ZHX1: variants seen among roughly 807,000 people sequenced by gnomAD.
ZHX1 encodes zinc fingers and homeoboxes protein 1.
Under a neutral mutation model 61.8 loss-of-function variants are expected in ZHX1, and 20 were observed. The ratio of observed to expected loss-of-function variants is 0.32; its 90% CI spans 0.23 to 0.47. The LOEUF is 0.47. ZHX1 is among the 20% of genes least tolerant of loss of function. The pLI, the probability that ZHX1 is intolerant of heterozygous loss-of-function variation, is 1.00. For missense variants in ZHX1, 800 were observed against 1,034.8 expected (o/e 0.77, Z 3.11); for synonymous variants, 318 against 352.6 (o/e 0.90, Z 1.10).
At position 123,263,019 on chromosome 8, in the gene ZHX1, C is replaced by T. The variant is rs60058056; in HGVS notation, c.-226+4254G>A. On this transcript the variant is annotated intron_variant, in intron 2 of 3. Transcript: ENST00000395571. ...AAGGAAGAAAGAGAAGGAAGAGAAG[C>T]GGGAAGGGGAGGGGAGAGGAGTGGA... 0.022 allele frequency: 2,559 copies of T among 116,082 alleles called. 140 individuals carry two copies. The East Asian group carries it at 0.25, about 11-fold the overall frequency. The allele number at this position is 116,082 out of a possible 1,614,324, so 7.2% of individuals were successfully genotyped here. A position where few individuals can be genotyped will look rare whatever the true frequency, so the allele number is the denominator to read the frequency against.
rs1366611858 is a variant in ZHX1, at chr8:123,267,207, C to T, written c.-226+66G>A. 3.5e-6 allele frequency: 5 copies of T among 1,426,838 alleles called. No homozygotes were observed. In the Admixed American group the frequency reaches 1.0e-4, roughly 29 times the overall value. 88.4% of individuals were successfully genotyped at this position (1,426,838 alleles called of 1,614,324 possible). A position where few individuals can be genotyped will look rare whatever the true frequency, so the allele number is the denominator to read the frequency against. On this transcript the variant is annotated intron_variant, in intron 2 of 3. Coordinates refer to ENST00000395571, the MANE Select transcript of ZHX1 (RefSeq NM_007222.5). ...TAAAAACTTTAGACAAATATAGTATCATGGGATCTAAAGTGAGTACATTCA... is the reference window on the plus strand; with the variant it reads ...TAAAAACTTTAGACAAATATAGTATTATGGGATCTAAAGTGAGTACATTCA...
Position 123,253,417 on chromosome 8 carries a change from C to G in ZHX1, c.2530G>C (p.Asp844His). ...GTTTCTTCTTCATCCTCTTCCTGGT[C>G]ATCAATAACTTCATCTTCCTCCTCA... ...ENEEEDEVID[D>H]QEEDEEETDD... Residue 844 changes from aspartate (D) to histidine (H), a missense_variant, in exon 3 of 4, where the codon GAC becomes CAC. Transcript: ENST00000395571. The G allele has an allele frequency of 6.2e-7, 1 of 1,613,990 alleles. No homozygotes were observed. The highest frequency in any genetic ancestry group is 8.5e-7 in the Non-Finnish European group (1 of 1,179,980).
chr8:123,263,089 A>G (rs951331951), intron 2 of ZHX1: 1 of 125,872 alleles, frequency 7.9e-6, no homozygotes, highest in South Asian at 2.5e-4. Flanking sequence ...ATATCAAAGT[A>G]AAAAAAAAAA....
rs1826053295 is a variant in ZHX1, at chr8:123,255,759, T to C, written c.188A>G (p.Asn63Ser). The C allele has an allele frequency of 6.2e-7, 1 of 1,614,054 alleles. No individual in the cohort carries two copies. The highest frequency in any genetic ancestry group is 8.5e-7 in the Non-Finnish European group (1 of 1,180,018). The change falls in exon 3 of 4, where the codon AAT becomes AGT. Residue 63 changes from asparagine (N) to serine (S), a missense_variant. By Grantham distance (46) the Asn-to-Ser change is conservative (BLOSUM62 1). Coordinates refer to ENST00000395571, the MANE Select transcript of ZHX1 (RefSeq NM_007222.5). ...HESVDSDNQQNKKVEGGYECK... is the reference protein window; with the variant it reads ...HESVDSDNQQSKKVEGGYECK... ...TTCATATCCACCTTCAACTTTTTTA[T>C]TTTGCTGATTGTCTGAATCCACAGA...
At chr8:123,266,686 G>C (rs574636236) in intron 2 of ZHX1, among the ~76,000 whole-genome samples, 2 of 151,926 alleles carry the variant, frequency 1.3e-5, no homozygotes, top group Non-Finnish European at 2.9e-5. Context: ...GTTTGAGAAA[G>C]GCACATTTCA....
chr8:123,250,386 T>C, intron 3 of ZHX1, 66 bp from the exon 4 acceptor site: 1 of 357,942 alleles, frequency 2.8e-6, no homozygotes, highest in Non-Finnish European at 5.4e-6. Flanking sequence ...TTTTTACTAC[T>C]TTTAGAAATA....
chr8:123,267,192 A>G, intron 2 of ZHX1, 81 bp downstream of exon 2: 1 of 1,333,936 alleles, frequency 7.5e-7, no homozygotes, highest in South Asian at 1.4e-5. Flanking sequence ...TAAAAACTTT[A>G]GACAAATATA....
Position 123,254,210 on chromosome 8 carries a change from C to T in ZHX1, c.1737G>A (p.Gln579=). ...GAAAACTTGCCTGAAGGACACGAAG[C>T]TGCTCTGCAGTTTTCTCTTTAAACT... ...PQKFKEKTAE[Q]LRVLQASFLN... is the part of the protein sequence containing the mutation. The change falls in exon 3 of 4, where the codon CAG becomes CAA. Residue 579 remains glutamine, a synonymous_variant. Transcript: ENST00000395571. This position sits in a 1 kb window ranked among gnomAD's most constrained non-coding sequence, Gnocchi z 4.1. 2 of 1,614,148 alleles carry T rather than the reference C, an allele frequency of 1.2e-6. No homozygotes were observed. Among genetic ancestry groups the T allele is most frequent in the South Asian group, 2.2e-5 (2 of 91,088 alleles).
At chr8:123,273,656 C>G (rs984490025) in intron 1 of ZHX1, 1 of 152,302 alleles carries the variant, frequency 6.6e-6, no homozygotes, top group Non-Finnish European at 1.5e-5. Context: ...TCAGTCAGTG[C>G]GCTCAGCTCC....
chr8:123,266,813 C>T (rs1195546948), intron 2 of ZHX1, among the ~76,000 whole-genome samples: 1 of 152,120 alleles, frequency 6.6e-6, no homozygotes, highest in Non-Finnish European at 1.5e-5. Flanking sequence ...TATCCTGACT[C>T]TTATAATTAA....
Position 123,250,048 on chromosome 8 carries a change from C to A in ZHX1, c.*276G>T. On this transcript the variant is annotated 3_prime_UTR_variant, in exon 4 of 4. Coordinates refer to ENST00000395571, the MANE Select transcript of ZHX1 (RefSeq NM_007222.5). The stretch of plus-strand genomic sequence containing the variant: ...AGTCTAAGATTCAGAATGTCTCCAT[C>A]ATATTAGAAGAAAAATGTACTGTAT... The A allele has an allele frequency of 3.0e-6, 1 of 335,670 alleles. No homozygotes were observed. Among genetic ancestry groups the A allele is most frequent in the Non-Finnish European group, 5.8e-6 (1 of 172,384 alleles). 20.8% of individuals were successfully genotyped at this position (335,670 alleles called of 1,614,324 possible). A position where few individuals can be genotyped will look rare whatever the true frequency, so the allele number is the denominator to read the frequency against.
In ZHX1 at chr8:123,256,062, C is replaced by T. The variant is rs1563810288; in HGVS notation, c.-116G>A. The T allele has an allele frequency of 5.6e-6, 5 of 900,316 alleles. No individual in the cohort carries two copies. Among genetic ancestry groups the T allele is most frequent in the African/African-American group, 3.4e-5 (2 of 59,576 alleles). The allele number at this position is 900,316 out of a possible 1,614,324, so 55.8% of individuals were successfully genotyped here. A position where few individuals can be genotyped will look rare whatever the true frequency, so the allele number is the denominator to read the frequency against. On this transcript the variant is annotated 5_prime_UTR_variant, in exon 3 of 4. Coordinates refer to ENST00000395571, the MANE Select transcript of ZHX1 (RefSeq NM_007222.5). ...GGTTCTTCAAGTCCATTTTTGTGCT[C>T]AACAAGTCTCATTAGCAGCTTTCTC... is the stretch of plus-strand genomic sequence containing the variant.
At chr8:123,269,949 T>C (rs938990427) in intron 1 of ZHX1, among the ~76,000 whole-genome samples, 4 of 131,310 alleles carry the variant, frequency 3.0e-5, no homozygotes, top group South Asian at 5.5e-4. Flanking sequence ...AAAAGGCAGA[T>C]ACTAATCAAT....
intron 1 of ZHX1, among the ~76,000 whole-genome samples, chr8:123,269,996 C>T (rs1460211584): frequency 6.6e-6 from 1 of 152,032 alleles, no homozygotes; most frequent in East Asian, 1.9e-4. Context: ...TTTTTCTGAC[C>T]TTAGCTTCAA....
chr8:123,271,936 C>T (rs150011853), intron 1 of ZHX1, among the ~76,000 whole-genome samples: 237 of 152,288 alleles, frequency 1.6e-3, no homozygotes, highest in African/African-American at 5.3e-3. Flanking sequence ...TTTATGTTTT[C>T]GGATTTAGCA....
In ZHX1 at chr8:123,255,809, G is replaced by A; in HGVS notation, c.138C>T (p.Ile46=). The A allele has an allele frequency of 6.2e-7, 1 of 1,614,098 alleles. No homozygotes were observed. Among genetic ancestry groups the A allele is most frequent in the Non-Finnish European group, 8.5e-7 (1 of 1,180,032 alleles). Residue 46 remains isoleucine (I), a synonymous_variant, in exon 3 of 4, where the codon ATC becomes ATT. Transcript: ENST00000395571. ...TPVENTRAES[I]SSDEEVHESV... The stretch of plus-strand genomic sequence containing the variant: ...ATTCATGAACCTCTTCATCACTTGA[G>A]ATACTCTCTGCTCTGGTGTTTTCTA...
At chr8:123,261,860 A>G (rs756819400) in intron 2 of ZHX1, among the ~76,000 whole-genome samples, 1 of 152,218 alleles carries the variant, frequency 6.6e-6, no homozygotes, top group Non-Finnish European at 1.5e-5. Context: ...CAAAAATTGG[A>G]TGAAAAAGTA....
rs1375246942 is a variant in ZHX1, at chr8:123,253,905, C to T, written c.2042G>A (p.Arg681Gln). 3.1e-6 allele frequency: 5 copies of T among 1,614,088 alleles called. No homozygotes were observed. Among genetic ancestry groups the T allele is most frequent in the Non-Finnish European group, 2.5e-6 (3 of 1,180,046 alleles). The change falls in exon 3 of 4, where the codon CGG (arginine) becomes CAG (glutamine). Residue 681 changes from arginine (R) to glutamine (Q), a missense_variant. Arg to Gln is a conservative substitution (Grantham distance 43, BLOSUM62 1). Coordinates refer to ENST00000395571, the MANE Select transcript of ZHX1 (RefSeq NM_007222.5). ...CTCTTCTGGTGATGGCCACTGTGTC[C>T]GGACAAATGCACTCTTAAGCATGTG... ...QLHMLKSAFV[R>Q]TQWPSPEEYD... is the part of the protein sequence containing the mutation.
chr8:123,268,714 T>C (rs936337708), intron 1 of ZHX1, among the ~76,000 whole-genome samples: 1 of 152,138 alleles, frequency 6.6e-6, no homozygotes, highest in African/African-American at 2.4e-5. Context: ...ATGGTCTCTA[T>C]CTCCTGAGCT....
Sources: allele counts gnomAD v4.1 joint callset (sites outside exome capture counted in the v4.1 genomes callset), GRCh38; gene constraint gnomAD v4.1.1; non-coding constraint Gnocchi (gnomAD v3.1); transcripts MANE v1.5; gene names NCBI Gene and HGNC (gene_info 2026-07-23, HGNC 2026-07-21).